PRKN: variants seen among roughly 807,000 people sequenced by gnomAD.
The protein encoded by PRKN is E3 ubiquitin-protein ligase parkin.
In PRKN, 56 loss-of-function variants were observed where a neutral mutation model predicts 59.5. The observed-to-expected ratio is 0.94, with a 90% CI of 0.76 to 1.18. PRKN has a LOEUF of 1.18. Ranked by LOEUF, PRKN falls within the 50% of genes most tolerant of loss-of-function variation. The pLI is 0.00. For missense variants in PRKN, 657 were observed against 596.4 expected (o/e 1.10, Z -1.06); for synonymous variants, 250 against 222.1 (o/e 1.13, Z -1.12).
At chr6:162,448,801 TC>T (rs1790444255) in intron 1 of PRKN, among the ~76,000 whole-genome samples, 4 of 125,994 alleles carry the variant, frequency 3.2e-5, no homozygotes, top group African/African-American at 1.3e-4. Context: ...CCTTTCTTTC[TC>T]TTTCTCTTTC....
intron 2 of PRKN, among the ~76,000 whole-genome samples, chr6:162,297,778 A>G (rs1017751905): frequency 1.3e-5 from 2 of 152,174 alleles, no homozygotes; most frequent in Admixed American, 1.3e-4. Context: ...ATGTATCAAT[A>G]TAGCAACATA....
At chr6:161,834,768 T>C (rs1792672496) in intron 6 of PRKN, among the ~76,000 whole-genome samples, 1 of 152,236 alleles carries the variant, frequency 6.6e-6, no homozygotes, top group African/African-American at 2.4e-5. Flanking sequence ...ACACACGCCC[T>C]GGCTCTCAGG....
At chr6:162,564,191 A>G (rs1052179650) in intron 1 of PRKN, among the ~76,000 whole-genome samples, 4 of 152,008 alleles carry the variant, frequency 2.6e-5, no homozygotes, top group African/African-American at 9.7e-5. Flanking sequence ...CAAAAAATAC[A>G]AAAATTAGCC....
chr6:162,307,630 C>T (rs2128116583), intron 2 of PRKN, among the ~76,000 whole-genome samples: 1 of 152,158 alleles, frequency 6.6e-6, no homozygotes, highest in South Asian at 2.1e-4. Flanking sequence ...AGTTTGATGA[C>T]ATGTCATGAT....
intron 7 of PRKN, among the ~76,000 whole-genome samples, chr6:161,574,715 G>C (rs1781066000): frequency 6.6e-6 from 1 of 152,064 alleles, no homozygotes; most frequent in African/African-American, 2.4e-5. Flanking sequence ...AGAAGTGTTT[G>C]GACATCTATT....
At chr6:162,575,910 C>A (rs1268611202) in intron 1 of PRKN, among the ~76,000 whole-genome samples, 19 of 152,204 alleles carry the variant, frequency 1.2e-4, no homozygotes, top group Admixed American at 1.2e-3. Flanking sequence ...AGTCCCCCAG[C>A]AGCAACTCTC....
At chr6:161,613,371 T>TA (rs1203579334) in intron 7 of PRKN, among the ~76,000 whole-genome samples, 1 of 152,088 alleles carries the variant, frequency 6.6e-6, no homozygotes, top group African/African-American at 2.4e-5. Flanking sequence ...GCAAAGATTT[T>TA]TTTTTTTTAA....
At chr6:162,628,557 G>C (rs2128222160) in intron 1 of PRKN, among the ~76,000 whole-genome samples, 1 of 151,928 alleles carries the variant, frequency 6.6e-6, no homozygotes, top group South Asian at 2.1e-4. Context: ...ATCTCTATGT[G>C]AAATAGGAGA....
chr6:162,158,163 T>C (rs1037468722), intron 4 of PRKN, among the ~76,000 whole-genome samples: 6 of 152,016 alleles, frequency 3.9e-5, no homozygotes, highest in African/African-American at 1.2e-4. Flanking sequence ...TAAAAAGGAA[T>C]ACCATTAGGA....
chr6:162,465,705 G>A (rs1050474651), intron 1 of PRKN, among the ~76,000 whole-genome samples: 1 of 151,488 alleles, frequency 6.6e-6, no homozygotes. Context: ...GGAAGAAACT[G>A]AATGCTGATT....
At chr6:162,150,685 T>G (rs1782231532) in intron 4 of PRKN, among the ~76,000 whole-genome samples, 1 of 152,186 alleles carries the variant, frequency 6.6e-6, no homozygotes, top group Admixed American at 6.5e-5. Flanking sequence ...CAAAACGAAC[T>G]ACAGCTTTCC....
At position 161,456,535 on chromosome 6, in the gene PRKN, G is replaced by A. The variant is rs1004096122; in HGVS notation, c.1084-69658C>T. 2.6e-5 allele frequency among the ~76,000 whole-genome samples: 4 copies of A among 152,132 alleles called. No individual in the cohort carries two copies. Among genetic ancestry groups the A allele is most frequent in the Non-Finnish European group, 5.9e-5 (4 of 68,034 alleles). On this transcript the variant is annotated intron_variant, in intron 9 of 11. Coordinates refer to ENST00000366898, the MANE Select transcript of PRKN (RefSeq NM_004562.3). The surrounding 1 kb of genome is among the most constrained non-coding windows in gnomAD (Gnocchi z 4.8). ...TATTGTGGGACTTCTCCTTGTGATC[G>A]TGTGAGTCAATTCTCCTTAATAAAT...
intron 4 of PRKN, among the ~76,000 whole-genome samples, chr6:162,115,692 C>T (rs1189037747): frequency 6.8e-6 from 1 of 147,420 alleles, no homozygotes; most frequent in Non-Finnish European, 1.5e-5. Flanking sequence ...GGAGGATCAT[C>T]TAAACCCATG....
intron 5 of PRKN, among the ~76,000 whole-genome samples, chr6:162,023,063 C>T (rs1783271433): frequency 6.6e-6 from 1 of 152,104 alleles, no homozygotes. Flanking sequence ...CCCTTGTCCC[C>T]CTAGCAGGGC....
At chr6:162,435,935 T>C (rs1053853148) in intron 2 of PRKN, among the ~76,000 whole-genome samples, 1 of 152,068 alleles carries the variant, frequency 6.6e-6, no homozygotes, top group Non-Finnish European at 1.5e-5. Flanking sequence ...CAAAAAATCA[T>C]GGTGGAAATG....
intron 7 of PRKN, among the ~76,000 whole-genome samples, chr6:161,622,329 C>G (rs577084701): frequency 6.6e-6 from 1 of 152,216 alleles, no homozygotes; most frequent in Non-Finnish European, 1.5e-5. Flanking sequence ...AGGTCTGCCC[C>G]GTAGGCTCTG....
intron 1 of PRKN, among the ~76,000 whole-genome samples, chr6:162,665,402 G>C (rs1779062901): frequency 6.6e-6 from 1 of 152,074 alleles, no homozygotes; most frequent in South Asian, 2.1e-4. Context: ...GGCAAGCAGA[G>C]AGACAAATCA....
chr6:161,506,236 C>T (rs1178894472), intron 9 of PRKN, among the ~76,000 whole-genome samples: 2 of 151,994 alleles, frequency 1.3e-5, no homozygotes, highest in East Asian at 3.9e-4. Context: ...TGAAGAGGTC[C>T]TTCACATCCC....
At chr6:162,719,362 A>C (rs1432647550) in intron 1 of PRKN, among the ~76,000 whole-genome samples, 3 of 152,018 alleles carry the variant, frequency 2.0e-5, no homozygotes, top group Admixed American at 2.0e-4. Flanking sequence ...CACTCTGGGA[A>C]CTCACCAGAG....
Sources: allele counts gnomAD v4.1 joint callset (sites outside exome capture counted in the v4.1 genomes callset), GRCh38; gene constraint gnomAD v4.1.1; non-coding constraint Gnocchi (gnomAD v3.1); transcripts MANE v1.5; gene names NCBI Gene and HGNC (gene_info 2026-07-23, HGNC 2026-07-21).